The following COBL variants were observed in gnomAD, a reference collection of about 807,000 sequenced individuals.
The protein encoded by COBL is cordon-bleu WH2 repeat protein.
A neutral mutation model predicts 98.8 loss-of-function variants in COBL; 51 were observed. That is an observed-to-expected ratio of 0.52 (90% CI 0.41 to 0.65). COBL has a LOEUF of 0.65. Among genes scored for constraint, COBL ranks in the 30% least tolerant of loss-of-function variants. The probability of loss-of-function intolerance (pLI) is 0.00; values close to 1 mark genes in which losing one functional copy is unlikely to be tolerated. For synonymous variants in COBL, 634 were observed against 651.7 expected, an observed-to-expected ratio of 0.97 and a Z score of 0.41; for missense variants, 1,617 against 1,617.5, an observed-to-expected ratio of 1.00 and a Z score of 0.01.
chr7:51,247,067 G>A (rs1796326452), intron 1 of COBL, among the ~76,000 whole-genome samples: 1 of 152,214 alleles, frequency 6.6e-6, no homozygotes, highest in African/African-American at 2.4e-5. Flanking sequence ...GATACCTGTG[G>A]TCATCGCGGA....
Position 51,099,135 on chromosome 7 carries a change from G to A in COBL, c.958-13831C>T, listed in dbSNP as rs140961417. Among the ~76,000 whole-genome samples, 426 of 151,350 alleles carry A rather than the reference G, an allele frequency of 2.8e-3. 1 individual carries two copies. The highest frequency in any genetic ancestry group is 5.7e-3 in the Admixed American group (86 of 15,212). On this transcript the variant is annotated intron_variant, in intron 6 of 12. Coordinates refer to ENST00000265136, the MANE Select transcript of COBL (RefSeq NM_015198.5). ...AGAAAACAAGTGTTGGTGAGGATGC[G>A]GAGAAATTAGAATTCTTATGCATTG...
At position 51,028,859 on chromosome 7, in the gene COBL, C is replaced by T; in HGVS notation, c.2237G>A (p.Gly746Asp). 1 of 1,614,180 alleles carries T rather than the reference C, an allele frequency of 6.2e-7. No homozygotes were observed. Among genetic ancestry groups the T allele is most frequent in the Non-Finnish European group, 8.5e-7 (1 of 1,180,036 alleles). ...CGAAGACAGGGAAATGATCCTGATG[C>T]CGGTGGCGTGAGGACTCACCAAGTT... ...LGNLVSPHAT[G>D]IRIISLSSSV... The change falls in exon 10 of 13, where the codon GGC (glycine) becomes GAC (aspartate). Residue 746 changes from glycine to aspartate, a missense_variant. Physicochemically the swap from Gly to Asp is moderately conservative, Grantham distance 94. Coordinates refer to ENST00000265136, the MANE Select transcript of COBL (RefSeq NM_015198.5).
chr7:51,148,253 G>A (rs1170785188), intron 5 of COBL, among the ~76,000 whole-genome samples: 1 of 152,120 alleles, frequency 6.6e-6, no homozygotes, highest in Non-Finnish European at 1.5e-5. Context: ...GTGACTGGGG[G>A]GTGGGCTACA....
At chr7:51,247,801 G>A (rs1226623551) in intron 1 of COBL, among the ~76,000 whole-genome samples, 1 of 152,146 alleles carries the variant, frequency 6.6e-6, no homozygotes, top group Non-Finnish European at 1.5e-5. Flanking sequence ...ACGCCAAAGG[G>A]TTATTCTACT....
Position 51,028,900 on chromosome 7 carries a change from C to A in COBL, c.2196G>T (p.Lys732Asn). ...TCACCAAGTTCCCCAGCTCGTCAAT[C>A]TTAATGGCTCCGGTGGAGAGGGACA... ...RDVSLSTGAI[K>N]IDELGNLVSP... Residue 732 changes from lysine to asparagine, a missense_variant, in exon 10 of 13, where the codon AAG (lysine) becomes AAT (asparagine). Lys to Asn is a moderately conservative substitution (Grantham distance 94, BLOSUM62 0). Around this residue, in one of 3 missense-constraint regions of COBL, gnomAD observed 1,304 missense variants for 1,282.0 expected, o/e 1.02. Coordinates refer to ENST00000265136, the MANE Select transcript of COBL (RefSeq NM_015198.5). 3 of 1,614,228 alleles carry A rather than the reference C, an allele frequency of 1.9e-6. No individual in the cohort carries two copies. In the South Asian group the frequency reaches 3.3e-5, roughly 18 times the overall value.
At chr7:51,128,646 A>G (rs535984592) in intron 6 of COBL, among the ~76,000 whole-genome samples, 2 of 152,318 alleles carry the variant, frequency 1.3e-5, no homozygotes, top group African/African-American at 4.8e-5. Context: ...ATAAGTGGCA[A>G]TGTCAGCCTC....
chr7:51,264,428 T>G (rs1290850701), intron 1 of COBL, among the ~76,000 whole-genome samples: 1 of 151,992 alleles, frequency 6.6e-6, no homozygotes, highest in Non-Finnish European at 1.5e-5. Context: ...CCTACCAATT[T>G]GGGAGGTCAA....
intron 6 of COBL, among the ~76,000 whole-genome samples, chr7:51,133,770 C>T (rs562379833): frequency 6.6e-6 from 1 of 152,112 alleles, no homozygotes; most frequent in Non-Finnish European, 1.5e-5. Context: ...AAAACCTCTT[C>T]AAAAAATACC....
At chr7:51,081,498 T>C (rs144087180) in intron 7 of COBL, among the ~76,000 whole-genome samples, 6 of 152,200 alleles carry the variant, frequency 3.9e-5, no homozygotes, top group African/African-American at 1.4e-4. Context: ...TCTGCAGAGA[T>C]GCAGGAGGAA....
intron 7 of COBL, among the ~76,000 whole-genome samples, chr7:51,073,755 G>A (rs570762791): frequency 2.6e-4 from 39 of 152,244 alleles, no homozygotes; most frequent in African/African-American, 9.4e-4. Flanking sequence ...CTTACCTCTT[G>A]AAAAACAGTC....
chr7:51,101,416 A>C (rs575364685), intron 6 of COBL, among the ~76,000 whole-genome samples: 5 of 152,200 alleles, frequency 3.3e-5, no homozygotes, highest in Admixed American at 1.3e-4. Flanking sequence ...TAATTTTACT[A>C]TATCTATTTT....
intron 1 of COBL, among the ~76,000 whole-genome samples, chr7:51,239,939 G>A (rs1039799658): frequency 6.6e-6 from 1 of 152,156 alleles, no homozygotes; most frequent in African/African-American, 2.4e-5. Flanking sequence ...CAGCTACTCA[G>A]CTTAGCCACT....
intron 5 of COBL, among the ~76,000 whole-genome samples, chr7:51,181,997 C>A (rs1452765966): frequency 6.6e-6 from 1 of 152,166 alleles, no homozygotes; most frequent in Non-Finnish European, 1.5e-5. Context: ...TTTTAGGTGA[C>A]CTTACTTTGC....
intron 12 of COBL, among the ~76,000 whole-genome samples, chr7:51,023,829 C>T (rs186184078): frequency 6.6e-6 from 1 of 152,308 alleles, no homozygotes; most frequent in African/African-American, 2.4e-5. Context: ...CAGCTTGTGA[C>T]CTGGGGATGA....
rs148602700 is a variant in COBL at position 51,204,732 on chromosome 7, G to A, written c.246-11143C>T. 3.3e-3 allele frequency among the ~76,000 whole-genome samples: 500 copies of A among 151,928 alleles called. 4 individuals carry two copies. The highest frequency in any genetic ancestry group is 9.5e-3 in the African/African-American group (392 of 41,420). ...CGCCCAGCTAATTTTTGTATTTTTC[G>A]TAGAGACAGGGATTCACCATGTTGG... On this transcript the variant is annotated intron_variant, in intron 2 of 12. Transcript: ENST00000265136.
intron 6 of COBL, among the ~76,000 whole-genome samples, chr7:51,125,893 C>G (rs554501630): frequency 6.6e-6 from 1 of 152,178 alleles, no homozygotes; most frequent in Non-Finnish European, 1.5e-5. Flanking sequence ...CTGGATGTAG[C>G]GATTGTTTCC....
chr7:51,173,175 GT>G (rs1430328422), intron 5 of COBL, among the ~76,000 whole-genome samples: 2 of 145,200 alleles, frequency 1.4e-5, no homozygotes. Context: ...GGACTTCAAA[GT>G]TTTTTGTTTT....
chr7:51,246,490 G>A (rs1398292702), intron 1 of COBL, among the ~76,000 whole-genome samples: 4 of 152,104 alleles, frequency 2.6e-5, no homozygotes, highest in Non-Finnish European at 5.9e-5. Flanking sequence ...CTGGCACACA[G>A]CCCAGCCCTG....
At chr7:51,114,351 C>G (rs1254853533) in intron 6 of COBL, among the ~76,000 whole-genome samples, 2 of 145,610 alleles carry the variant, frequency 1.4e-5, no homozygotes, top group Non-Finnish European at 3.0e-5. Context: ...ATTCTGAGGG[C>G]TGGTTCTTAC....
Sources: gnomAD v4.1 joint callset for allele counts (sites outside exome capture counted in the v4.1 genomes callset) on GRCh38, gnomAD v4.1.1 for gene constraint, gnomAD v4.1.1 regional missense constraint, MANE v1.5 for transcripts, NCBI Gene and HGNC (gene_info 2026-07-23, HGNC 2026-07-21) for gene names.